Variants in SCAMP1 observed in about 807,000 individuals in gnomAD.
SCAMP1 encodes secretory carrier-associated membrane protein 1.
In SCAMP1, 15 loss-of-function variants were observed where a neutral mutation model predicts 41.8. The observed-to-expected ratio is 0.36, with a 90% CI of 0.24 to 0.55. The LOEUF is 0.55. Ranked by LOEUF, SCAMP1 falls within the 20% of genes least tolerant of loss-of-function variation. SCAMP1 has a pLI of 0.86. For missense variants in SCAMP1, 341 were observed against 412.6 expected, an observed-to-expected ratio of 0.83 and a Z score of 1.50; for synonymous variants, 135 against 136.8, an observed-to-expected ratio of 0.99 and a Z score of 0.09.
chr5:78,373,892 A>C (rs1043421901), intron 1 of SCAMP1, among the ~76,000 whole-genome samples: 1 of 152,084 alleles, frequency 6.6e-6, no homozygotes, highest in Non-Finnish European at 1.5e-5. Context: ...GTCTTTATCA[A>C]CCATTATATT....
chr5:78,469,950 C>A, intron 8 of SCAMP1, among the ~76,000 whole-genome samples: 1 of 116,876 alleles, frequency 8.6e-6, no homozygotes. Flanking sequence ...ACAGCCCAGG[C>A]ATGGTGGTGT....
intron 2 of SCAMP1, among the ~76,000 whole-genome samples, chr5:78,395,227 A>G (rs1280807700): frequency 2.0e-5 from 3 of 152,164 alleles, no homozygotes; most frequent in African/African-American, 7.2e-5. Flanking sequence ...AGTACAGAGT[A>G]CCAGTTTATT....
intron 1 of SCAMP1, among the ~76,000 whole-genome samples, chr5:78,363,488 C>T (rs1750715205): frequency 6.6e-6 from 1 of 152,214 alleles, no homozygotes; most frequent in Admixed American, 6.5e-5. Context: ...GGATTACAGG[C>T]GTGAACCACT....
intron 8 of SCAMP1, among the ~76,000 whole-genome samples, chr5:78,469,903 A>C (rs1473260976): frequency 7.6e-4 from 33 of 43,626 alleles, no homozygotes; most frequent in African/African-American, 4.6e-3. Context: ...AAAAAAAAAA[A>C]AAAAAAAAAC....
intron 6 of SCAMP1, among the ~76,000 whole-genome samples, chr5:78,428,107 G>T (rs1752511738): frequency 6.6e-6 from 1 of 151,888 alleles, no homozygotes; most frequent in South Asian, 2.1e-4. Context: ...AGATCCTTTT[G>T]CATAACCCAT....
Position 78,413,088 on chromosome 5 carries a change from G to A in SCAMP1, c.136-2432G>A, listed in dbSNP as rs577038045. On this transcript the variant is annotated intron_variant, in intron 2 of 8. Coordinates refer to ENST00000621999, the MANE Select transcript of SCAMP1 (RefSeq NM_004866.6). Reference sequence around the variant, plus strand: ...AAAGTGTTTAAGTTTTGCTTTTTCAGTTTTAGATCATGAATTTACCTCGAA... The same window carrying A: ...AAAGTGTTTAAGTTTTGCTTTTTCAATTTTAGATCATGAATTTACCTCGAA... Among the ~76,000 whole-genome samples the A allele has an allele frequency of 3.3e-5, 5 of 152,084 alleles. No homozygotes were observed. In the South Asian group the frequency reaches 1.0e-3, roughly 31 times the overall value.
chr5:78,462,568 C>T (rs1753644457), intron 8 of SCAMP1, among the ~76,000 whole-genome samples: 1 of 152,156 alleles, frequency 6.6e-6, no homozygotes. Flanking sequence ...AAGTGATCTA[C>T]TTGCCTTGGC....
In SCAMP1 at chr5:78,421,689, G is replaced by A. The variant is rs149222746; in HGVS notation, c.473-112G>A. On this transcript the variant is annotated intron_variant, in intron 5 of 8. Transcript: ENST00000621999. The stretch of plus-strand genomic sequence containing the variant: ...TGAAAAATATAAATGGAAACATGGA[G>A]TAGAATACATTTGCTCTTAGGAAGT... The A allele has an allele frequency of 5.8e-6, 5 of 854,938 alleles. No individual in the cohort carries two copies. The South Asian group carries it at 6.7e-5, about 12-fold the overall frequency. 53.0% of individuals were successfully genotyped at this position (854,938 alleles called of 1,614,324 possible).
intron 1 of SCAMP1, among the ~76,000 whole-genome samples, chr5:78,364,041 T>C (rs1750733101): frequency 1.3e-5 from 2 of 152,266 alleles, no homozygotes; most frequent in Non-Finnish European, 2.9e-5. Context: ...ATATTTTCTG[T>C]ATAGTCAACA....
chr5:78,405,518 T>C (rs1279492601), intron 2 of SCAMP1, among the ~76,000 whole-genome samples: 1 of 152,210 alleles, frequency 6.6e-6, no homozygotes, highest in Non-Finnish European at 1.5e-5. Context: ...TATAAACTTA[T>C]TCTGTCAGCC....
At chr5:78,459,589 C>G (rs966131065) in intron 8 of SCAMP1, among the ~76,000 whole-genome samples, 17 of 152,046 alleles carry the variant, frequency 1.1e-4, no homozygotes, top group Non-Finnish European at 1.5e-5. Flanking sequence ...ATCATTTTAA[C>G]TGAAGGCTTT....
At chr5:78,453,109 C>T (rs991859041) in intron 7 of SCAMP1, among the ~76,000 whole-genome samples, 31 of 150,520 alleles carry the variant, frequency 2.1e-4, no homozygotes, top group South Asian at 1.9e-3. Flanking sequence ...GAGTAGGTTG[C>T]GAAAATTTTC....
At chr5:78,390,438 A>G (rs1381814472) in intron 2 of SCAMP1, among the ~76,000 whole-genome samples, 1 of 152,222 alleles carries the variant, frequency 6.6e-6, no homozygotes, top group Non-Finnish European at 1.5e-5. Context: ...GTTTTGATAT[A>G]TAAAAATGGT....
chr5:78,384,361 C>T (rs1751289915), intron 1 of SCAMP1, among the ~76,000 whole-genome samples: 1 of 151,894 alleles, frequency 6.6e-6, no homozygotes, highest in Non-Finnish European at 1.5e-5. Context: ...TTGGATGAAT[C>T]TTGAGGGTTT....
intron 1 of SCAMP1, among the ~76,000 whole-genome samples, chr5:78,386,150 A>G (rs1449396512): frequency 6.6e-6 from 1 of 152,112 alleles, no homozygotes; most frequent in East Asian, 1.9e-4. Flanking sequence ...TTAGGTGCAT[A>G]TGTATTTAGG....
chr5:78,430,132 TATAA>T (rs1752572041), intron 6 of SCAMP1, among the ~76,000 whole-genome samples: 1 of 59,654 alleles, frequency 1.7e-5, no homozygotes, highest in African/African-American at 5.9e-5. Flanking sequence ...AGTATTTATT[TATAA>T]ATACAGTATT....
chr5:78,407,907 T>G (rs577267927), intron 2 of SCAMP1, among the ~76,000 whole-genome samples: 1 of 152,244 alleles, frequency 6.6e-6, no homozygotes, highest in Non-Finnish European at 1.5e-5. Context: ...ATTACCCTCT[T>G]AATTCTTTAT....
At chr5:78,406,562 A>T (rs1024659468) in intron 2 of SCAMP1, among the ~76,000 whole-genome samples, 1 of 152,174 alleles carries the variant, frequency 6.6e-6, no homozygotes, top group African/African-American at 2.4e-5. Context: ...TCACCCTTGG[A>T]ATTTCCAGTG....
chr5:78,416,969 CTT>C (rs1011254575), intron 4 of SCAMP1, among the ~76,000 whole-genome samples: 2 of 152,186 alleles, frequency 1.3e-5, no homozygotes, highest in African/African-American at 2.4e-5. Flanking sequence ...TCTGTGGACT[CTT>C]TATGAGTACA....
Sources: allele counts gnomAD v4.1 joint callset (sites outside exome capture counted in the v4.1 genomes callset), GRCh38; gene constraint gnomAD v4.1.1; transcripts MANE v1.5; gene names NCBI Gene and HGNC (gene_info 2026-07-23, HGNC 2026-07-21).